Variants in LRRC63 observed in about 807,000 individuals in gnomAD.
LRRC63 encodes leucine-rich repeat-containing protein 63.
A neutral mutation model predicts 49.5 loss-of-function variants in LRRC63; 40 were observed. That is an observed-to-expected ratio of 0.81 (90% CI 0.63 to 1.05). LRRC63 has a LOEUF of 1.05. LRRC63 is among the 50% of genes least tolerant of loss of function. The pLI is 0.00. For synonymous variants in LRRC63, 191 were observed against 221.1 expected (o/e 0.86, Z 1.21); for missense variants, 636 against 663.1 (o/e 0.96, Z 0.45).
intron 9 of LRRC63, chr13:46,270,578 G>A (rs774798954): frequency 3.4e-6 from 3 of 870,468 alleles, no homozygotes; most frequent in Non-Finnish European, 3.9e-6. Context: ...ACGGTATGAA[G>A]AAGTCATGGT....
At chr13:46,225,515 C>G (rs2046545323) in intron 2 of LRRC63, among the ~76,000 whole-genome samples, 1 of 152,160 alleles carries the variant, frequency 6.6e-6, no homozygotes, top group South Asian at 2.1e-4. Flanking sequence ...GTATAAATTA[C>G]TCCAGTTTGC....
chr13:46,258,638 T>TGC (rs2047562401), intron 7 of LRRC63, among the ~76,000 whole-genome samples: 2 of 150,448 alleles, frequency 1.3e-5, no homozygotes, highest in Non-Finnish European at 3.0e-5. Context: ...TGAAACCCCA[T>TGC]CTCTACTAAA....
At position 46,214,648 on chromosome 13, in the gene LRRC63, TA is replaced by T. The variant is rs568422359; in HGVS notation, c.85+1542del. 9.2e-3 allele frequency among the ~76,000 whole-genome samples: 1,278 copies of T among 139,192 alleles called. 5 individuals carry two copies. The highest frequency in any genetic ancestry group is 0.011 in the East Asian group (53 of 4,898). 91.3% of individuals were successfully genotyped at this position (139,192 alleles called of 152,430 possible). A position where few individuals can be genotyped will look rare whatever the true frequency, so the allele number is the denominator to read the frequency against. On this transcript the variant is annotated intron_variant, in intron 2 of 9. Transcript: ENST00000595396. ...TCAAAATTTGTTTTTTTATTTCTTC[TA>T]AAAAAAAAAAAAGCAGGATACATGC...
At chr13:46,257,676 A>G (rs2047536855) in intron 7 of LRRC63, among the ~76,000 whole-genome samples, 1 of 152,158 alleles carries the variant, frequency 6.6e-6, no homozygotes. Flanking sequence ...TGTGATGTAA[A>G]TTTAGCAGTT....
At chr13:46,219,099 G>T (rs2046334839) in intron 2 of LRRC63, among the ~76,000 whole-genome samples, 1 of 152,100 alleles carries the variant, frequency 6.6e-6, no homozygotes, top group South Asian at 2.1e-4. Flanking sequence ...TCTTCTCGAG[G>T]AGTATCTTTG....
intron 2 of LRRC63, among the ~76,000 whole-genome samples, chr13:46,225,567 G>A (rs1454238426): frequency 1.3e-5 from 2 of 152,232 alleles, no homozygotes; most frequent in African/African-American, 4.8e-5. Flanking sequence ...GTGGTAGTTG[G>A]AAGGAGTTCT....
At position 46,261,788 on chromosome 13, in the gene LRRC63, T is replaced by C. The variant is rs946109142; in HGVS notation, c.1227-121T>C. On this transcript the variant is annotated intron_variant, in intron 7 of 9. Transcript: ENST00000595396. ...ACGATCTATAATGAAAAGAAGTCCA[T>C]ATAAATTTCAAGATCTTAGAAATCT... The C allele has an allele frequency of 7.3e-5, 26 of 357,110 alleles. No individual in the cohort carries two copies. In the East Asian group the frequency reaches 9.9e-4, roughly 14 times the overall value. The allele number at this position is 357,110 out of a possible 1,614,324, so 22.1% of individuals were successfully genotyped here.
chr13:46,249,930 C>T (rs9595444), intron 6 of LRRC63: 1 of 152,078 alleles, frequency 6.6e-6, no homozygotes, highest in Non-Finnish European at 1.5e-5. Context: ...ATCAGTGTAC[C>T]TGAAATTACT....
intron 9 of LRRC63, among the ~76,000 whole-genome samples, chr13:46,272,649 A>G (rs990740630): frequency 6.6e-6 from 1 of 152,226 alleles, no homozygotes; most frequent in African/African-American, 2.4e-5. Flanking sequence ...ACATGTAAAC[A>G]CAAAGTTAGA....
chr13:46,211,960 C>G (rs1487595240), exon 1 of LRRC63: 1 of 152,634 alleles, frequency 6.6e-6, no homozygotes, highest in Admixed American at 6.5e-5. Flanking sequence ...ACCCCGGTTG[C>G]TAGGGTGTGT....
chr13:46,219,022 G>T (rs1027227474), intron 2 of LRRC63, among the ~76,000 whole-genome samples: 1 of 152,096 alleles, frequency 6.6e-6, no homozygotes, highest in South Asian at 2.1e-4. Flanking sequence ...TTTCTCTCTG[G>T]CTGCCTTAAC....
chr13:46,269,846 A>G (rs1038028243), intron 9 of LRRC63, among the ~76,000 whole-genome samples: 3 of 148,016 alleles, frequency 2.0e-5, no homozygotes, highest in Non-Finnish European at 4.5e-5. Flanking sequence ...ATATATCTAT[A>G]TATCTACTAT....
chr13:46,213,025 A>G (rs1420402314), exon 2 of LRRC63: 2 of 1,530,664 alleles, frequency 1.3e-6, no homozygotes, highest in African/African-American at 1.4e-5. Flanking sequence ...AGCACTTATT[A>G]TTCATTAAAA....
chr13:46,261,764 C>A lies in LRRC63; in HGVS notation c.1227-145C>A, dbSNP rs73482631. The A allele has an allele frequency of 4.9e-3, 1,629 of 331,796 alleles. 23 individuals are homozygous for A. Among genetic ancestry groups the A allele is most frequent in the African/African-American group, 0.031 (1,444 of 47,336 alleles). 20.6% of individuals were successfully genotyped at this position (331,796 alleles called of 1,614,324 possible). Reference sequence around the variant, plus strand: ...CTTAGGAATTTTCATAGTAATTACACGATCTATAATGAAAAGAAGTCCATA... The same window carrying A: ...CTTAGGAATTTTCATAGTAATTACAAGATCTATAATGAAAAGAAGTCCATA... On this transcript the variant is annotated intron_variant, in intron 7 of 9. Transcript: ENST00000595396.
intron 9 of LRRC63, among the ~76,000 whole-genome samples, chr13:46,271,037 C>G (rs1254687274): frequency 3.3e-5 from 5 of 152,154 alleles, no homozygotes; most frequent in African/African-American, 1.2e-4. Flanking sequence ...TGGGTTTAAA[C>G]TGTTAGAGGG....
At chr13:46,273,773 G>T (rs140900448) in intron 9 of LRRC63, among the ~76,000 whole-genome samples, 1,676 of 151,940 alleles carry the variant, frequency 0.011, 31 homozygotes, top group African/African-American at 0.037. Context: ...TTAGCTGGGC[G>T]TGGTGGCACA....
intron 7 of LRRC63, among the ~76,000 whole-genome samples, chr13:46,259,258 T>C (rs1420313273): frequency 1.3e-5 from 2 of 152,042 alleles, no homozygotes; most frequent in Admixed American, 6.6e-5. Context: ...AAAATCCAAA[T>C]GTTTTTTTTT....
intron 4 of LRRC63, among the ~76,000 whole-genome samples, chr13:46,233,073 T>A (rs1566483221): frequency 6.6e-6 from 1 of 152,224 alleles, no homozygotes; most frequent in Non-Finnish European, 1.5e-5. Flanking sequence ...ATGATGTAAA[T>A]TAACTTCCGG....
At chr13:46,241,715 A>G (rs1050522126) in intron 5 of LRRC63, among the ~76,000 whole-genome samples, 7 of 152,232 alleles carry the variant, frequency 4.6e-5, no homozygotes, top group African/African-American at 1.7e-4. Context: ...CAAGCATGAA[A>G]AAAGCTCAAT....
Sources: allele counts gnomAD v4.1 joint callset (sites outside exome capture counted in the v4.1 genomes callset), GRCh38; gene constraint gnomAD v4.1.1; transcripts MANE v1.5; gene names NCBI Gene and HGNC (gene_info 2026-07-23, HGNC 2026-07-21).